Variants in CDH1 observed in about 807,000 individuals in gnomAD.
CDH1 encodes the protein cadherin-1.
CDH1 carries 35 observed loss-of-function variants against 84.5 expected under a neutral mutation model. The ratio of observed to expected loss-of-function variants is 0.41; its 90% CI spans 0.32 to 0.55. CDH1 has a LOEUF of 0.55. Among genes scored for constraint, CDH1 ranks in the 20% least tolerant of loss-of-function variants. The probability of loss-of-function intolerance (pLI) is 0.19; values close to 1 mark genes in which losing one functional copy is unlikely to be tolerated. For synonymous variants in CDH1, 417 were observed against 439.0 expected (o/e 0.95, Z 0.63); for missense variants, 994 against 1,126.6 (o/e 0.88, Z 1.68).
Position 68,775,512 on chromosome 16 carries a change from G to T in CDH1, c.164-26158G>T, listed in dbSNP as rs548405110. On this transcript the variant is annotated intron_variant, in intron 2 of 15. Coordinates refer to ENST00000261769, the MANE Select transcript of CDH1 (RefSeq NM_004360.5). ...TGTTCTTGCCTTTGGTTTGCCTAAGGCCCCCTTTTTGTTCTCCCACTTTGG... is the reference window on the plus strand; with the variant it reads ...TGTTCTTGCCTTTGGTTTGCCTAAGTCCCCCTTTTTGTTCTCCCACTTTGG... Among the ~76,000 whole-genome samples the T allele has an allele frequency of 3.9e-5, 6 of 152,174 alleles. No homozygotes were observed. The South Asian group carries it at 6.2e-4, about 16-fold the overall frequency.
In CDH1 at chr16:68,737,444, C is replaced by T. The variant is rs1375360857; in HGVS notation, c.29C>T (p.Ala10Val). The change falls in exon 1 of 16, where the codon GCG becomes GTG. Residue 10 changes from alanine to valine, a missense_variant. Coordinates refer to ENST00000261769, the MANE Select transcript of CDH1 (RefSeq NM_004360.5). Reference protein sequence around the residue: MGPWSRSLSALLLLLQVSSW... With the variant: MGPWSRSLSVLLLLLQVSSW... ...GGCCCTTGGAGCCGCAGCCTCTCGG[C>T]GCTGCTGCTGCTGCTGCAGGTACCC... 1 of 1,489,862 alleles carries T rather than the reference C, an allele frequency of 6.7e-7. No homozygotes were observed. 92.3% of individuals were successfully genotyped at this position (1,489,862 alleles called of 1,614,324 possible).
intron 15 of CDH1, among the ~76,000 whole-genome samples, chr16:68,830,551 G>C (rs556861171): frequency 6.6e-6 from 1 of 152,248 alleles, no homozygotes; most frequent in East Asian, 1.9e-4. Context: ...ACAAGATGCT[G>C]AAACAGATGG....
intron 13 of CDH1, among the ~76,000 whole-genome samples, chr16:68,827,899 G>A (rs1182413376): frequency 6.6e-6 from 1 of 152,116 alleles, no homozygotes; most frequent in Non-Finnish European, 1.5e-5. Context: ...CTTTCCCCCA[G>A]ATTTGGGAAA....
At chr16:68,779,444 C>A (rs1959816890) in intron 2 of CDH1, among the ~76,000 whole-genome samples, 1 of 152,180 alleles carries the variant, frequency 6.6e-6, no homozygotes, top group South Asian at 2.1e-4. Context: ...TGGGCAAATC[C>A]CTTACCACTG....
At chr16:68,822,276 C>A (rs1222282255) in intron 12 of CDH1, 51 bp downstream of exon 12, 1 of 1,234,282 alleles carries the variant, frequency 8.1e-7, no homozygotes, top group Non-Finnish European at 1.2e-6. Context: ...GCCATGCTTC[C>A]CTTCCCCCAG....
chr16:68,769,779 T>C (rs1393660008), intron 2 of CDH1, among the ~76,000 whole-genome samples: 7 of 151,200 alleles, frequency 4.6e-5, no homozygotes, highest in Non-Finnish European at 1.0e-4. Context: ...GATAAAAACA[T>C]TAGCTGGGGC....
chr16:68,801,194 C>T (rs1345375403), intron 2 of CDH1, among the ~76,000 whole-genome samples: 1 of 152,212 alleles, frequency 6.6e-6, no homozygotes, highest in African/African-American at 2.4e-5. Context: ...TCACTGCAAC[C>T]TCCACCTTAC....
intron 2 of CDH1, among the ~76,000 whole-genome samples, chr16:68,786,720 T>C (rs2152122946): frequency 6.6e-6 from 1 of 152,104 alleles, no homozygotes; most frequent in South Asian, 2.1e-4. Context: ...TTCTTGATAA[T>C]GAAAAATGAT....
intron 13 of CDH1, among the ~76,000 whole-genome samples, chr16:68,827,953 A>T (rs528708953): frequency 6.6e-6 from 1 of 152,324 alleles, no homozygotes; most frequent in African/African-American, 2.4e-5. Context: ...GTTAAGGACC[A>T]TGCTTGAGTT....
chr16:68,818,084 C>G (rs2077896302), intron 10 of CDH1, among the ~76,000 whole-genome samples: 1 of 151,230 alleles, frequency 6.6e-6, no homozygotes, highest in Admixed American at 6.6e-5. Flanking sequence ...ACTAAAAATA[C>G]AAAAAATTAG....
chr16:68,821,811 G>A (rs543488721), intron 11 of CDH1, among the ~76,000 whole-genome samples, 190 bp from the exon 12 acceptor site: 10 of 152,204 alleles, frequency 6.6e-5, no homozygotes, highest in African/African-American at 1.4e-4. Flanking sequence ...TGTGTAAAAC[G>A]GCCAGAGACC....
chr16:68,748,885 G>A (rs1962817575), intron 2 of CDH1, among the ~76,000 whole-genome samples: 2 of 152,226 alleles, frequency 1.3e-5, no homozygotes, highest in South Asian at 4.1e-4. Context: ...TGTCGCCCAG[G>A]CTGGAGTGCA....
In CDH1 at chr16:68,833,619, T is replaced by TA; in HGVS notation, c.*121dup. The TA allele has an allele frequency of 1.3e-6, 1 of 768,318 alleles. No homozygotes were observed. The highest frequency in any genetic ancestry group is 2.3e-6 in the Non-Finnish European group (1 of 433,840). The allele number at this position is 768,318 out of a possible 1,614,324, so 47.6% of individuals were successfully genotyped here. On this transcript the variant is annotated 3_prime_UTR_variant, in exon 16 of 16. Coordinates refer to ENST00000261769, the MANE Select transcript of CDH1 (RefSeq NM_004360.5). ...TTCTGGGGAAAAAAAAGAGACTGGT[T>TA]AGTGATGCAGTTAGTATAGCTTTAT...
chr16:68,750,150 C>CTTTTTTTTTTTTTTT (rs34551002), intron 2 of CDH1, among the ~76,000 whole-genome samples: 29,523 of 74,998 alleles, frequency 0.39, 9,422 homozygotes, highest in Non-Finnish European at 0.52. Flanking sequence ...TAGAATTCAG[C>CTTTTTTTTTTTTTTT]TTTTTTTTTT....
intron 2 of CDH1, among the ~76,000 whole-genome samples, chr16:68,740,908 T>C (rs1242090718): frequency 1.3e-5 from 2 of 152,128 alleles, no homozygotes; most frequent in Non-Finnish European, 2.9e-5. Context: ...GTCTTTTCTC[T>C]TCCTTTTTCT....
At position 68,810,509 on chromosome 16, in the gene CDH1, T is replaced by C. The variant is rs16958375; in HGVS notation, c.832+168T>C. Among the ~76,000 whole-genome samples, 715 of 152,318 alleles carry C rather than the reference T, an allele frequency of 4.7e-3. 4 individuals carry two copies. The highest frequency in any genetic ancestry group is 0.017 in the African/African-American group (694 of 41,574). Reference sequence around the variant, plus strand: ...ATATGCATGTGTGTAACAGTCTACCTGTGGAAACATATAAAATAGGGAGAG... The same window carrying C: ...ATATGCATGTGTGTAACAGTCTACCCGTGGAAACATATAAAATAGGGAGAG... On this transcript the variant is annotated intron_variant, in intron 6 of 15. Coordinates refer to ENST00000261769, the MANE Select transcript of CDH1 (RefSeq NM_004360.5).
intron 2 of CDH1, among the ~76,000 whole-genome samples, chr16:68,798,978 T>A (rs1265519193): frequency 1.3e-5 from 2 of 152,250 alleles, no homozygotes; most frequent in Admixed American, 1.3e-4. Flanking sequence ...TCATCTCTTC[T>A]ACTTTCATTG....
chr16:68,831,643 G>A (rs1216504442), intron 15 of CDH1, among the ~76,000 whole-genome samples: 2 of 151,596 alleles, frequency 1.3e-5, no homozygotes, highest in Non-Finnish European at 2.9e-5. Context: ...AGATTCAAGC[G>A]ATTCTCCTGC....
rs187047439 is a variant in CDH1 at position 68,770,236 on chromosome 16, C to T, written c.164-31434C>T. On this transcript the variant is annotated intron_variant, in intron 2 of 15. Transcript: ENST00000261769. ...GGGAGCTCTGCCTCCTGTCCTAAAACTGTCACCTTCCTGACTGGGCCTGTC... is the reference window on the plus strand; with the variant it reads ...GGGAGCTCTGCCTCCTGTCCTAAAATTGTCACCTTCCTGACTGGGCCTGTC... 1.3e-3 allele frequency among the ~76,000 whole-genome samples: 193 copies of T among 152,244 alleles called. 1 individual carries two copies. In the Middle Eastern group the frequency reaches 0.014, roughly 11 times the overall value.
Sources: gnomAD v4.1 joint callset for allele counts (sites outside exome capture counted in the v4.1 genomes callset) on GRCh38, gnomAD v4.1.1 for gene constraint, MANE v1.5 for transcripts, NCBI Gene and HGNC (gene_info 2026-07-23, HGNC 2026-07-21) for gene names.